Variants in BASP1 observed in about 807,000 individuals in gnomAD.
The protein encoded by BASP1 is brain acid soluble protein 1.
Under a neutral mutation model 2.2 loss-of-function variants are expected in BASP1, and 1 was observed. The ratio of observed to expected loss-of-function variants is 0.46; its 90% CI spans 0.16 to 2.17. The LOEUF (loss-of-function observed/expected upper bound fraction) is 2.17, where lower values mean the gene tolerates loss of function less well. Ranked by LOEUF, BASP1 falls within the 30% of genes most tolerant of loss-of-function variation. BASP1 has a pLI of 0.27. For synonymous variants in BASP1, 187 were observed against 154.2 expected (o/e 1.21, Z -1.58); for missense variants, 352 against 327.2 (o/e 1.08, Z -0.58).
At chr5:17,227,523 T>A (rs1416894199) in intron 1 of BASP1, among the ~76,000 whole-genome samples, 3 of 152,086 alleles carry the variant, frequency 2.0e-5, no homozygotes. Context: ...TGCCCCAGCC[T>A]CCAAAGTAGC....
At chr5:17,228,891 A>G (rs1739569823) in intron 1 of BASP1, among the ~76,000 whole-genome samples, 1 of 152,208 alleles carries the variant, frequency 6.6e-6, no homozygotes, top group African/African-American at 2.4e-5. Flanking sequence ...AGAAGTCCAG[A>G]ATGATGTAAT....
intron 1 of BASP1, among the ~76,000 whole-genome samples, chr5:17,218,996 G>GA (rs1391634027): frequency 6.6e-6 from 1 of 151,440 alleles, no homozygotes; most frequent in African/African-American, 2.4e-5. Context: ...CCTTGTACAG[G>GA]TTGACAACAC....
intron 1 of BASP1, among the ~76,000 whole-genome samples, chr5:17,233,612 T>C (rs1230206920): frequency 1.3e-5 from 2 of 152,234 alleles, no homozygotes; most frequent in African/African-American, 4.8e-5. Flanking sequence ...CTGTATGTTT[T>C]GTTTGGAAGC....
At chr5:17,230,646 C>A (rs1739615247) in intron 1 of BASP1, among the ~76,000 whole-genome samples, 1 of 152,012 alleles carries the variant, frequency 6.6e-6, no homozygotes, top group Non-Finnish European at 1.5e-5. Context: ...TCACTGCAAC[C>A]TCCGCCTCCC....
intron 1 of BASP1, among the ~76,000 whole-genome samples, chr5:17,223,017 A>G (rs962590211): frequency 6.9e-6 from 1 of 145,196 alleles, no homozygotes; most frequent in African/African-American, 2.5e-5. Flanking sequence ...TAAGCATTTT[A>G]TAAACTCTTT....
At chr5:17,235,362 G>A (rs965213752) in intron 1 of BASP1, among the ~76,000 whole-genome samples, 8 of 151,382 alleles carry the variant, frequency 5.3e-5, no homozygotes, top group Non-Finnish European at 8.8e-5. Flanking sequence ...CCAGGTTCAC[G>A]CCATTCTCCT....
At position 17,229,440 on chromosome 5, in the gene BASP1, A is replaced by G. The variant is rs1274906205; in HGVS notation, c.-10+11630A>G. On this transcript the variant is annotated intron_variant, in intron 1 of 1. Transcript: ENST00000322611. ...TTGGTTTCTGCTCCAAGAAGTGTTC[A>G]AATTCCCCTTATGTGGGCAGAATTT... 2.6e-5 allele frequency among the ~76,000 whole-genome samples: 4 copies of G among 152,330 alleles called. No individual in the cohort carries two copies. In the South Asian group the frequency reaches 6.2e-4, roughly 24 times the overall value.
At chr5:17,266,791 G>A (rs1321452908) in intron 1 of BASP1, among the ~76,000 whole-genome samples, 19 of 129,904 alleles carry the variant, frequency 1.5e-4, no homozygotes, top group African/African-American at 5.5e-4. Context: ...CAGCCTGAGC[G>A]ACAGAGCAGC....
intron 1 of BASP1, among the ~76,000 whole-genome samples, chr5:17,242,532 T>A (rs1029363977): frequency 1.1e-4 from 17 of 152,140 alleles, no homozygotes; most frequent in Non-Finnish European, 2.4e-4. Context: ...TAGGGTTCCC[T>A]CTTGGTGTTG....
chr5:17,275,454 G>C lies in BASP1; in HGVS notation c.238G>C (p.Glu80Gln), dbSNP rs199724192. 5.8e-4 allele frequency: 884 copies of C among 1,515,552 alleles called. No individual in the cohort carries two copies. Among genetic ancestry groups the C allele is most frequent in the Non-Finnish European group, 6.1e-4 (691 of 1,133,500 alleles). 93.9% of individuals were successfully genotyped at this position (1,515,552 alleles called of 1,614,324 possible). A position where few individuals can be genotyped will look rare whatever the true frequency, so the allele number is the denominator to read the frequency against. ...CGAGAAGGACGCGGCGGCTGCCAAG[G>C]AGGAGGCCCCGAAGGCGGAGCCCGA... ...EGEKDAAAAKEEAPKAEPEKT... is the reference protein window; with the variant it reads ...EGEKDAAAAKQEAPKAEPEKT... The change falls in exon 2 of 2, where the codon GAG (glutamate) becomes CAG (glutamine). Residue 80 changes from glutamate to glutamine, a missense_variant. Transcript: ENST00000322611. This position sits in a 1 kb window ranked among gnomAD's most constrained non-coding sequence, Gnocchi z 5.3.
At chr5:17,233,378 TC>T (rs1263754513) in intron 1 of BASP1, among the ~76,000 whole-genome samples, 1 of 152,206 alleles carries the variant, frequency 6.6e-6, no homozygotes, top group East Asian at 1.9e-4. Context: ...CAGCTGAAAC[TC>T]CTATATCTCC....
chr5:17,271,115 G>T (rs1183462875), intron 1 of BASP1, among the ~76,000 whole-genome samples: 8 of 152,130 alleles, frequency 5.3e-5, no homozygotes, highest in Non-Finnish European at 1.2e-4. Context: ...TTGAAGGACA[G>T]CTTTTTTGTT....
intron 1 of BASP1, among the ~76,000 whole-genome samples, chr5:17,262,516 G>A (rs1022481149): frequency 9.9e-5 from 15 of 152,112 alleles, no homozygotes; most frequent in South Asian, 2.1e-4. Flanking sequence ...TTCCTCCCTC[G>A]TAGAACTGAT....
At chr5:17,261,466 T>G (rs574012947) in intron 1 of BASP1, among the ~76,000 whole-genome samples, 1 of 152,326 alleles carries the variant, frequency 6.6e-6, no homozygotes, top group African/African-American at 2.4e-5. Flanking sequence ...TAAAGGACTA[T>G]TTCAAAGAGA....
rs561253752 is a variant in BASP1 at position 17,229,940 on chromosome 5, G to T, written c.-10+12130G>T. On this transcript the variant is annotated intron_variant, in intron 1 of 1. Transcript: ENST00000322611. ...TGGGATTATAGGCGTGTGCCACCAC[G>T]CCCAGCTAATTTTTTTGTATTTTTA... Among the ~76,000 whole-genome samples the T allele has an allele frequency of 2.6e-4, 39 of 151,816 alleles. No individual in the cohort carries two copies. In the South Asian group the frequency reaches 7.9e-3, roughly 31 times the overall value.
chr5:17,240,018 A>T (rs915619884), intron 1 of BASP1, among the ~76,000 whole-genome samples: 1 of 151,620 alleles, frequency 6.6e-6, no homozygotes, highest in African/African-American at 2.4e-5. Context: ...GCCCAGTGTG[A>T]TGGTATTAAG....
At chr5:17,225,223 A>G (rs1431063594) in intron 1 of BASP1, among the ~76,000 whole-genome samples, 1 of 151,886 alleles carries the variant, frequency 6.6e-6, no homozygotes, top group Non-Finnish European at 1.5e-5. Flanking sequence ...CACTGTCTGC[A>G]ACGTAAAACT....
chr5:17,222,825 G>A, intron 1 of BASP1, among the ~76,000 whole-genome samples: 1 of 152,144 alleles, frequency 6.6e-6, no homozygotes, highest in Non-Finnish European at 1.5e-5. Context: ...GCTGAGAGGT[G>A]GTGATTGAGC....
chr5:17,244,694 G>GT (rs79126102), intron 1 of BASP1, among the ~76,000 whole-genome samples: 3,292 of 138,220 alleles, frequency 0.024, 69 homozygotes, highest in African/African-American at 0.057. Flanking sequence ...TAATTGTAGT[G>GT]TTTTTTTTTT....
Sources: gnomAD v4.1 joint callset for allele counts (sites outside exome capture counted in the v4.1 genomes callset) on GRCh38, gnomAD v4.1.1 for gene constraint, Gnocchi (gnomAD v3.1) non-coding constraint, MANE v1.5 for transcripts, NCBI Gene and HGNC (gene_info 2026-07-23, HGNC 2026-07-21) for gene names.